Variants in SYT10 observed in about 807,000 individuals in gnomAD.
The protein encoded by SYT10 is synaptotagmin-10.
In SYT10, 31 loss-of-function variants were observed where a neutral mutation model predicts 51.1. The ratio of observed to expected loss-of-function variants is 0.61; its 90% CI spans 0.46 to 0.82. SYT10 has a LOEUF of 0.82. Among genes scored for constraint, SYT10 ranks in the 40% least tolerant of loss-of-function variants. The pLI, the probability that SYT10 is intolerant of heterozygous loss-of-function variation, is 0.00. For missense variants in SYT10, 603 were observed against 634.0 expected (o/e 0.95, Z 0.53); for synonymous variants, 233 against 225.9 (o/e 1.03, Z -0.28).
chr12:33,435,691 G>C (rs1244148872), intron 1 of SYT10, among the ~76,000 whole-genome samples: 1 of 152,044 alleles, frequency 6.6e-6, no homozygotes, highest in Non-Finnish European at 1.5e-5. Flanking sequence ...TCAATTAATT[G>C]GGTAGTCATT....
At chr12:33,434,162 T>C (rs978440756) in intron 1 of SYT10, among the ~76,000 whole-genome samples, 8 of 152,332 alleles carry the variant, frequency 5.3e-5, no homozygotes, top group Middle Eastern at 3.4e-3. Context: ...CAGTGCTTTA[T>C]GCAACACTTA....
chr12:33,387,087 T>G (rs1454045195), intron 3 of SYT10, among the ~76,000 whole-genome samples: 1 of 152,186 alleles, frequency 6.6e-6, no homozygotes, highest in Non-Finnish European at 1.5e-5. Context: ...AATAACTCGC[T>G]GATTATGCAC....
At chr12:33,388,721 C>T (rs1449642464) in intron 3 of SYT10, among the ~76,000 whole-genome samples, 1 of 152,168 alleles carries the variant, frequency 6.6e-6, no homozygotes, top group Admixed American at 6.5e-5. Flanking sequence ...AATTTGATTT[C>T]TTCATGCTGG....
Position 33,385,192 on chromosome 12 carries a change from T to C in SYT10, c.1177A>G (p.Met393Val). The change falls in exon 4 of 7, where the codon ATG becomes GTG. Residue 393 changes from methionine (M) to valine (V), a missense_variant. By Grantham distance (21) the Met-to-Val change is conservative. Transcript: ENST00000228567. Reference protein sequence around the residue: ...TVIKCRNLKAMDITGSSDPYV... With the variant: ...TVIKCRNLKAVDITGSSDPYV... ...ATACCTGATGAGCCAGTAATATCCATCGCCTTCAGATTTCTGCACTTAATG... is the reference window on the plus strand; with the variant it reads ...ATACCTGATGAGCCAGTAATATCCACCGCCTTCAGATTTCTGCACTTAATG... 1 of 1,613,696 alleles carries C rather than the reference T, an allele frequency of 6.2e-7. No individual in the cohort carries two copies. The highest frequency in any genetic ancestry group is 1.7e-5 in the Admixed American group (1 of 59,988).
rs541707432 is a variant in SYT10 at position 33,398,241 on chromosome 12, C to T, written c.1077+8548G>A. ...AGAAGCAATAGTATCAGGCCGGGCG[C>T]GGTGGCTCACACCTGTAATCCCAGC... On this transcript the variant is annotated intron_variant, in intron 3 of 6. Coordinates refer to ENST00000228567, the MANE Select transcript of SYT10 (RefSeq NM_198992.4). 9.2e-5 allele frequency among the ~76,000 whole-genome samples: 14 copies of T among 152,156 alleles called. No homozygotes were observed. In the East Asian group the frequency reaches 1.2e-3, roughly 13 times the overall value.
At chr12:33,382,174 T>C (rs1416264987) in intron 5 of SYT10, among the ~76,000 whole-genome samples, 175 bp downstream of exon 5, 1 of 152,202 alleles carries the variant, frequency 6.6e-6, no homozygotes, top group Non-Finnish European at 1.5e-5. Context: ...ATGACTTCTT[T>C]TGGAAATGAA....
chr12:33,409,524 T>C (rs529889939), intron 2 of SYT10, among the ~76,000 whole-genome samples: 1 of 151,640 alleles, frequency 6.6e-6, no homozygotes, highest in African/African-American at 2.4e-5. Context: ...TTTTCTTTTT[T>C]TTTTTTTGAG....
At chr12:33,380,533 C>T (rs16920904) in intron 5 of SYT10, among the ~76,000 whole-genome samples, 19,023 of 152,152 alleles carry the variant, frequency 0.13, 1,889 homozygotes, top group East Asian at 0.55. Context: ...TTTGTATATT[C>T]TATTCAGGTC....
chr12:33,379,441 G>A (rs1326284218), intron 6 of SYT10, among the ~76,000 whole-genome samples: 1 of 149,496 alleles, frequency 6.7e-6, no homozygotes, highest in East Asian at 2.0e-4. Flanking sequence ...AACACTTTAG[G>A]TAAGGTGGCT....
intron 6 of SYT10, among the ~76,000 whole-genome samples, chr12:33,379,621 C>T (rs934530006): frequency 1.2e-4 from 18 of 145,212 alleles, no homozygotes; most frequent in African/African-American, 4.4e-4. Context: ...AATATGAAGC[C>T]CAGAAAATGT....
In SYT10 at chr12:33,384,340, TG is replaced by T. The variant is rs911388450; in HGVS notation, c.1198+830del. On this transcript the variant is annotated intron_variant, in intron 4 of 6. Transcript: ENST00000228567. ...CACACCAGAACTTACAGTTCTCTTA[TG>T]TTTTTTTTTGTGATGCAAATTTAGG... Among the ~76,000 whole-genome samples, 11 of 152,268 alleles carry T rather than the reference TG, an allele frequency of 7.2e-5. No individual in the cohort carries two copies. In the East Asian group the frequency reaches 7.7e-4, roughly 11 times the overall value.
chr12:33,389,917 T>C (rs1866189191), intron 3 of SYT10, among the ~76,000 whole-genome samples: 1 of 152,074 alleles, frequency 6.6e-6, no homozygotes, highest in Admixed American at 6.5e-5. Context: ...TATTTCTCCC[T>C]GACCTACACT....
chr12:33,410,821 A>T (rs1212732711), intron 2 of SYT10, among the ~76,000 whole-genome samples: 3 of 152,192 alleles, frequency 2.0e-5, no homozygotes, highest in Non-Finnish European at 2.9e-5. Context: ...AAAATAAAAA[A>T]TAATAATAAA....
intron 1 of SYT10, among the ~76,000 whole-genome samples, chr12:33,435,700 T>C (rs1356590400): frequency 1.3e-5 from 2 of 152,192 alleles, no homozygotes; most frequent in East Asian, 3.8e-4. Context: ...TGGGTAGTCA[T>C]TTGCTTTGTC....
intron 1 of SYT10, among the ~76,000 whole-genome samples, 198 bp from the exon 2 acceptor site, chr12:33,426,693 C>A (rs1564739): frequency 5.9e-5 from 9 of 152,134 alleles, no homozygotes; most frequent in Non-Finnish European, 8.8e-5. Flanking sequence ...AAAAGTTCTA[C>A]CCCAGTAAAA....
At chr12:33,404,622 A>T (rs1419921808) in intron 3 of SYT10, among the ~76,000 whole-genome samples, 1 of 152,042 alleles carries the variant, frequency 6.6e-6, no homozygotes, top group African/African-American at 2.4e-5. Context: ...TGAACTCTTG[A>T]CCTCGTGATC....
At chr12:33,386,278 A>G (rs1866155827) in intron 3 of SYT10, among the ~76,000 whole-genome samples, 1 of 152,148 alleles carries the variant, frequency 6.6e-6, no homozygotes, top group East Asian at 1.9e-4. Context: ...CAATCTGTCC[A>G]CATTTAAATA....
chr12:33,387,825 T>C (rs1390902201), intron 3 of SYT10, among the ~76,000 whole-genome samples: 2 of 150,850 alleles, frequency 1.3e-5, no homozygotes, highest in Non-Finnish European at 2.9e-5. Flanking sequence ...CCATTGCTCA[T>C]GGCAGGCTCA....
At chr12:33,413,957 C>T (rs1332333793) in intron 2 of SYT10, among the ~76,000 whole-genome samples, 3 of 152,086 alleles carry the variant, frequency 2.0e-5, no homozygotes, top group African/African-American at 7.2e-5. Context: ...TGCAGAGACA[C>T]ACATAGGCTC....
Sources: allele counts gnomAD v4.1 joint callset (sites outside exome capture counted in the v4.1 genomes callset), GRCh38; gene constraint gnomAD v4.1.1; transcripts MANE v1.5; gene names NCBI Gene and HGNC (gene_info 2026-07-23, HGNC 2026-07-21).